The following ZSCAN22 variants were observed in gnomAD, a reference collection of about 807,000 sequenced individuals.
ZSCAN22 encodes the protein zinc finger and SCAN domain containing 22.
In ZSCAN22, 7 loss-of-function variants were observed where a neutral mutation model predicts 12.4. The ratio of observed to expected loss-of-function variants is 0.57; its 90% CI spans 0.32 to 1.06. The LOEUF is 1.06. Ranked by LOEUF, ZSCAN22 falls within the 50% of genes least tolerant of loss-of-function variation. ZSCAN22 has a pLI of 0.04. For missense variants in ZSCAN22, 576 were observed against 631.7 expected (o/e 0.91, Z 0.94); for synonymous variants, 243 against 255.9 (o/e 0.95, Z 0.48).
intron 1 of ZSCAN22, among the ~76,000 whole-genome samples, chr19:58,331,597 T>C (rs1274948210): frequency 6.7e-6 from 1 of 148,648 alleles, no homozygotes; most frequent in Non-Finnish European, 1.5e-5. Flanking sequence ...CAGGCTGGAG[T>C]GCAGTGGCGT....
rs1448880767 is a variant in ZSCAN22, at chr19:58,329,721, G to A, written c.-52+2607G>A. On this transcript the variant is annotated intron_variant, in intron 1 of 2. Coordinates refer to ENST00000329665, the MANE Select transcript of ZSCAN22 (RefSeq NM_181846.3). This position sits in a 1 kb window ranked among gnomAD's most constrained non-coding sequence, Gnocchi z 4.1. ...TTGTTCTATTTTATTAGTCATTGTT[G>A]TTAATTTCTTACTATGCCTAACTTA... Among the ~76,000 whole-genome samples the A allele has an allele frequency of 6.6e-6, 1 of 152,072 alleles. No individual in the cohort carries two copies. The highest frequency in any genetic ancestry group is 1.5e-5 in the Non-Finnish European group (1 of 68,026).
In ZSCAN22 at chr19:58,338,473, C is replaced by T. The variant is rs1476853610; in HGVS notation, c.623C>T (p.Ser208Leu). ...VTQQIHFKKT[S>L]GPYKDVPTDQ... ...CAACAGATCCACTTCAAGAAAACTT[C>T]AGGGCCTTACAAGGATGTCCCCACA... Residue 208 changes from serine (S) to leucine (L), a missense_variant, in exon 3 of 3, where the codon TCA becomes TTA. Physicochemically the swap from Ser to Leu is moderately radical, Grantham distance 145. Coordinates refer to ENST00000329665, the MANE Select transcript of ZSCAN22 (RefSeq NM_181846.3). The surrounding 1 kb of genome is among the most constrained non-coding windows in gnomAD (Gnocchi z 5.4). The T allele has an allele frequency of 6.2e-7, 1 of 1,614,202 alleles. No homozygotes were observed.
chr19:58,334,090 G>A (rs570061992), intron 1 of ZSCAN22, among the ~76,000 whole-genome samples: 2 of 152,334 alleles, frequency 1.3e-5, no homozygotes, highest in South Asian at 2.1e-4. Flanking sequence ...GTGAGAGAAT[G>A]ACCATGTGGC....
rs2051828066 is a variant in ZSCAN22 at position 58,338,631 on chromosome 19, A to G, written c.781A>G (p.Thr261Ala). 1 of 1,614,190 alleles carries G rather than the reference A, an allele frequency of 6.2e-7. No individual in the cohort carries two copies. Among genetic ancestry groups the G allele is most frequent in the East Asian group, 2.2e-5 (1 of 44,878 alleles). ...TGCTTATGGGACAGAGCCTCCATAC[A>G]CCTACTCAGGGAAGAGGTCCTCCAA... Reference protein sequence around the residue: ...VDAYGTEPPYTYSGKRSSKCR... With the variant: ...VDAYGTEPPYAYSGKRSSKCR... The change falls in exon 3 of 3, where the codon ACC becomes GCC. Residue 261 changes from threonine to alanine, a missense_variant. Coordinates refer to ENST00000329665, the MANE Select transcript of ZSCAN22 (RefSeq NM_181846.3). The surrounding 1 kb of genome is among the most constrained non-coding windows in gnomAD (Gnocchi z 5.4).
Position 58,338,001 on chromosome 19 carries a change from G to A in ZSCAN22, c.404-253G>A, listed in dbSNP as rs1048855056. 1.4e-4 allele frequency among the ~76,000 whole-genome samples: 22 copies of A among 152,366 alleles called. No homozygotes were observed. The South Asian group carries it at 1.5e-3, about 10-fold the overall frequency. On this transcript the variant is annotated intron_variant, in intron 2 of 2. Transcript: ENST00000329665. This position sits in a 1 kb window ranked among gnomAD's most constrained non-coding sequence, Gnocchi z 5.4. Reference sequence around the variant, plus strand: ...CTCTTGACTCTTGAGCCAAAATTGGGAGCCTTGAAAGATGGCGAGTTTGGT... The same window carrying A: ...CTCTTGACTCTTGAGCCAAAATTGGAAGCCTTGAAAGATGGCGAGTTTGGT...
intron 1 of ZSCAN22, among the ~76,000 whole-genome samples, chr19:58,327,348 A>G: frequency 6.6e-6 from 1 of 152,016 alleles, no homozygotes; most frequent in East Asian, 1.9e-4. Flanking sequence ...GCACGGACTG[A>G]CGGACCCGGT....
chr19:58,340,030 ACTG>A lies in ZSCAN22; in HGVS notation c.*707_*709del, dbSNP rs1046549179. The A allele has an allele frequency of 2.0e-5, 3 of 152,202 alleles. No individual in the cohort carries two copies. Among genetic ancestry groups the A allele is most frequent in the Non-Finnish European group, 2.9e-5 (2 of 68,108 alleles). 9.4% of individuals were successfully genotyped at this position (152,202 alleles called of 1,614,324 possible). On this transcript the variant is annotated 3_prime_UTR_variant, in exon 3 of 3. Transcript: ENST00000329665. ...TCTGTAATTCACCTCCTTTTCCACC[ACTG>A]CTACCTTATGTGAGCCCTCATTGCC...
chr19:58,333,765 A>G (rs1311494200), intron 1 of ZSCAN22, among the ~76,000 whole-genome samples: 1 of 152,108 alleles, frequency 6.6e-6, no homozygotes, highest in African/African-American at 2.4e-5. Context: ...GATTGCTTGA[A>G]CCCGGGAGGC....
chr19:58,339,135 A>G lies in ZSCAN22; in HGVS notation c.1285A>G (p.Ile429Val), dbSNP rs780535851. ...CTCAGCCCTGATCCGACATCTGAGA[A>G]TCCACTCTGGAGAGAAGCCATATCA... ...DCSALIRHLR[I>V]HSGEKPYQCK... Residue 429 changes from isoleucine (I) to valine (V), a missense_variant, in exon 3 of 3, where the codon ATC becomes GTC. By Grantham distance (29) the Ile-to-Val change is conservative (BLOSUM62 3). Transcript: ENST00000329665. This position sits in a 1 kb window ranked among gnomAD's most constrained non-coding sequence, Gnocchi z 5.6. The G allele has an allele frequency of 1.9e-6, 3 of 1,614,128 alleles. No individual in the cohort carries two copies. The highest frequency in any genetic ancestry group is 1.7e-5 in the Admixed American group (1 of 60,008).
chr19:58,338,667 T>G lies in ZSCAN22; in HGVS notation c.817T>G (p.Cys273Gly). 6.2e-7 allele frequency: 1 copy of G among 1,614,064 alleles called. No individual in the cohort carries two copies. Among genetic ancestry groups the G allele is most frequent in the South Asian group, 1.1e-5 (1 of 91,074 alleles). The change falls in exon 3 of 3, where the codon TGT becomes GGT. Residue 273 changes from cysteine to glycine, a missense_variant. Coordinates refer to ENST00000329665, the MANE Select transcript of ZSCAN22 (RefSeq NM_181846.3). This position sits in a 1 kb window ranked among gnomAD's most constrained non-coding sequence, Gnocchi z 5.4. The part of the protein sequence containing the change: ...SGKRSSKCRE[C>G]RKMFQSASAL... ...GAAGAGGTCCTCCAAGTGTCGCGAGTGTAGGAAGATGTTCCAGAGTGCTTC... is the reference window on the plus strand; with the variant it reads ...GAAGAGGTCCTCCAAGTGTCGCGAGGGTAGGAAGATGTTCCAGAGTGCTTC...
chr19:58,333,947 C>T (rs2051757363), intron 1 of ZSCAN22, among the ~76,000 whole-genome samples: 1 of 152,172 alleles, frequency 6.6e-6, no homozygotes, highest in Admixed American at 6.5e-5. Context: ...TACAACATAT[C>T]AAACTTGTGA....
chr19:58,342,119 G>C lies in ZSCAN22; in HGVS notation c.*2793G>C, dbSNP rs2051883159. 6.6e-6 allele frequency: 1 copy of C among 152,172 alleles called. No homozygotes were observed. Among genetic ancestry groups the C allele is most frequent in the South Asian group, 2.1e-4 (1 of 4,826 alleles). 9.4% of individuals were successfully genotyped at this position (152,172 alleles called of 1,614,324 possible). On this transcript the variant is annotated 3_prime_UTR_variant, in exon 3 of 3. Coordinates refer to ENST00000329665, the MANE Select transcript of ZSCAN22 (RefSeq NM_181846.3). ...AGGGGAGGAGATGAGGGAGAAAAAA[G>C]GGAATCTACTCAGAGCCTGTGTGTG...
intron 1 of ZSCAN22, among the ~76,000 whole-genome samples, chr19:58,334,357 C>T (rs566316468): frequency 6.6e-6 from 1 of 152,286 alleles, no homozygotes; most frequent in South Asian, 2.1e-4. Flanking sequence ...TGTTCTGTTG[C>T]GCAGGCTGGA....
Position 58,341,729 on chromosome 19 carries a change from T to C in ZSCAN22, c.*2403T>C, listed in dbSNP as rs139760652. The C allele has an allele frequency of 2.5e-4, 38 of 152,338 alleles. No homozygotes were observed. Among genetic ancestry groups the C allele is most frequent in the African/African-American group, 8.9e-4 (37 of 41,556 alleles). The allele number at this position is 152,338 out of a possible 1,614,324, so 9.4% of individuals were successfully genotyped here. ...TAGGGGAAAACTCAGAGAGGAGAGA[T>C]GCACATTCCTAGTGAAATTGCACAG... On this transcript the variant is annotated 3_prime_UTR_variant, in exon 3 of 3. Coordinates refer to ENST00000329665, the MANE Select transcript of ZSCAN22 (RefSeq NM_181846.3).
In ZSCAN22 at chr19:58,334,990, C is replaced by T; in HGVS notation, c.188C>T (p.Pro63Leu). 5 of 1,614,094 alleles carry T rather than the reference C, an allele frequency of 3.1e-6. No homozygotes were observed. In the South Asian group the frequency reaches 5.5e-5, roughly 18 times the overall value. The change falls in exon 2 of 3, where the codon CCA becomes CTA. Residue 63 changes from proline to leucine, a missense_variant. Pro to Leu is a moderately conservative substitution (Grantham distance 98). Transcript: ENST00000329665. Reference protein sequence around the residue: ...RHFRYEEASGPHEALAHLRAL... With the variant: ...RHFRYEEASGLHEALAHLRAL... ...TTCCGCTATGAGGAGGCATCTGGTCCACACGAGGCCCTGGCCCACCTCCGA... is the reference window on the plus strand; with the variant it reads ...TTCCGCTATGAGGAGGCATCTGGTCTACACGAGGCCCTGGCCCACCTCCGA...
rs754928447 is a variant in ZSCAN22, at chr19:58,338,638, C to T, written c.788C>T (p.Ser263Leu). ...AYGTEPPYTY[S>L]GKRSSKCREC... is the part of the protein sequence containing the mutation. ...GGGACAGAGCCTCCATACACCTACT[C>T]AGGGAAGAGGTCCTCCAAGTGTCGC... Residue 263 changes from serine to leucine, a missense_variant, in exon 3 of 3, where the codon TCA becomes TTA. Coordinates refer to ENST00000329665, the MANE Select transcript of ZSCAN22 (RefSeq NM_181846.3). The surrounding 1 kb of genome is among the most constrained non-coding windows in gnomAD (Gnocchi z 5.4). 27 of 1,614,242 alleles carry T rather than the reference C, an allele frequency of 1.7e-5. No individual in the cohort carries two copies. The highest frequency in any genetic ancestry group is 2.3e-5 in the Non-Finnish European group (27 of 1,180,040).
Position 58,327,974 on chromosome 19 carries a change from C to A in ZSCAN22, c.-52+860C>A, listed in dbSNP as rs1237646940. Among the ~76,000 whole-genome samples, 3 of 152,178 alleles carry A rather than the reference C, an allele frequency of 2.0e-5. No individual in the cohort carries two copies. The South Asian group carries it at 6.2e-4, about 32-fold the overall frequency. ...CAAGCGATTATCCTGCGTCAGCCTC[C>A]CGAGTAGCTGGGATTACAGGCACCG... On this transcript the variant is annotated intron_variant, in intron 1 of 2. Coordinates refer to ENST00000329665, the MANE Select transcript of ZSCAN22 (RefSeq NM_181846.3).
rs912185965 is a variant in ZSCAN22, at chr19:58,329,458, A to G, written c.-52+2344A>G. On this transcript the variant is annotated intron_variant, in intron 1 of 2. Transcript: ENST00000329665. This position sits in a 1 kb window ranked among gnomAD's most constrained non-coding sequence, Gnocchi z 4.1. ...GGAGAGGCTAAGTCTTTGAGTAAGG[A>G]GTAGTATGTGGCCAAAGCAAAGTGT... Among the ~76,000 whole-genome samples, 2 of 152,212 alleles carry G rather than the reference A, an allele frequency of 1.3e-5. No individual in the cohort carries two copies. Among genetic ancestry groups the G allele is most frequent in the South Asian group, 4.1e-4 (2 of 4,838 alleles).
Position 58,327,127 on chromosome 19 carries a change from G to GCACA in ZSCAN22, c.-52+13_-52+14insCACA, listed in dbSNP as rs1328326944. ...CTGTGCTGGTGAGGTGGGTTTCGGG[G>GCACA]GTGTTCTCCGTCCTGATCCAGGCTG... On this transcript the variant is annotated intron_variant, in intron 1 of 2. Coordinates refer to ENST00000329665, the MANE Select transcript of ZSCAN22 (RefSeq NM_181846.3). The GCACA allele has an allele frequency of 6.5e-6, 1 of 152,690 alleles. No individual in the cohort carries two copies. The highest frequency in any genetic ancestry group is 2.4e-5 in the African/African-American group (1 of 41,464). 9.5% of individuals were successfully genotyped at this position (152,690 alleles called of 1,614,324 possible). A position where few individuals can be genotyped will look rare whatever the true frequency, so the allele number is the denominator to read the frequency against.
Sources: allele counts gnomAD v4.1 joint callset (sites outside exome capture counted in the v4.1 genomes callset), GRCh38; gene constraint gnomAD v4.1.1; non-coding constraint Gnocchi (gnomAD v3.1); transcripts MANE v1.5; gene names NCBI Gene and HGNC (gene_info 2026-07-23, HGNC 2026-07-21).